The following STAT1 variants were observed in gnomAD, a reference collection of about 807,000 sequenced individuals.
STAT1 encodes the protein signal transducer and activator of transcription 1.
A neutral mutation model predicts 111.7 loss-of-function variants in STAT1; 24 were observed. That is an observed-to-expected ratio of 0.21 (90% confidence interval 0.16 to 0.30). The LOEUF is 0.30. STAT1 is among the 10% of genes least tolerant of loss of function. The pLI, the probability that STAT1 is intolerant of heterozygous loss-of-function variation, is 1.00. For missense variants in STAT1, 351 were observed against 911.9 expected, an observed-to-expected ratio of 0.38 and a Z score of 7.92; for synonymous variants, 332 against 326.5, an observed-to-expected ratio of 1.02 and a Z score of -0.18.
chr2:191,008,872 A>AGT (rs1209658136), intron 4 of STAT1, 91 bp downstream of exon 4: 1 of 1,375,600 alleles, frequency 7.3e-7, no homozygotes, highest in African/African-American at 1.4e-5. Context: ...AATACCAATA[A>AGT]GTGTGTGCTC....
rs1392692581 is a variant in STAT1, at chr2:191,012,209, T to TCAAG, written c.-2+1312_-2+1315dup. On this transcript the variant is annotated intron_variant, in intron 2 of 24. Transcript: ENST00000361099. This position sits in a 1 kb window ranked among gnomAD's most constrained non-coding sequence, Gnocchi z 4.0. The stretch of plus-strand genomic sequence containing the variant: ...GGGCGGATTGCCTGAGCTCCGGAGT[T>TCAAG]CAAGACCAGCCTGGGCAACATGGTG... 2.6e-5 allele frequency among the ~76,000 whole-genome samples: 4 copies of TCAAG among 151,652 alleles called. No individual in the cohort carries two copies. Among genetic ancestry groups the TCAAG allele is most frequent in the Non-Finnish European group, 5.9e-5 (4 of 67,882 alleles).
rs1691793390 is a variant in STAT1, at chr2:190,974,986, T to C, written c.2136-54A>G. On this transcript the variant is annotated intron_variant, in intron 23 of 24. Transcript: ENST00000361099. This position sits in a 1 kb window ranked among gnomAD's most constrained non-coding sequence, Gnocchi z 4.8. ...GTCAACATCTGAGTGATGAAAGCAC[T>C]AGTGCATACTTACACACTTTATCTT... 2 of 1,258,716 alleles carry C rather than the reference T, an allele frequency of 1.6e-6. No individual in the cohort carries two copies. Among genetic ancestry groups the C allele is most frequent in the South Asian group, 2.4e-5 (2 of 82,172 alleles). The allele number at this position is 1,258,716 out of a possible 1,614,324, so 78.0% of individuals were successfully genotyped here. A position where few individuals can be genotyped will look rare whatever the true frequency, so the allele number is the denominator to read the frequency against.
Position 190,980,490 on chromosome 2 carries a change from G to A in STAT1, c.1632+130C>T, listed in dbSNP as rs1360855400. The A allele has an allele frequency of 9.3e-7, 1 of 1,078,866 alleles. No individual in the cohort carries two copies. The highest frequency in any genetic ancestry group is 1.4e-6 in the Non-Finnish European group (1 of 701,294). The allele number at this position is 1,078,866 out of a possible 1,614,324, so 66.8% of individuals were successfully genotyped here. ...GAAGAAAAGTAAACAACTTGCCCGAGGGGCTCCTTGGCCAGAGAAGAACAC... is the reference window on the plus strand; with the variant it reads ...GAAGAAAAGTAAACAACTTGCCCGAAGGGCTCCTTGGCCAGAGAAGAACAC... On this transcript the variant is annotated intron_variant, in intron 19 of 24. Coordinates refer to ENST00000361099, the MANE Select transcript of STAT1 (RefSeq NM_007315.4). The surrounding 1 kb of genome is among the most constrained non-coding windows in gnomAD (Gnocchi z 6.1).
At position 190,973,708 on chromosome 2, in the gene STAT1, G is replaced by C. The variant is rs530396974; in HGVS notation, c.2238+1122C>G. On this transcript the variant is annotated intron_variant, in intron 24 of 24. Coordinates refer to ENST00000361099, the MANE Select transcript of STAT1 (RefSeq NM_007315.4). This position sits in a 1 kb window ranked among gnomAD's most constrained non-coding sequence, Gnocchi z 4.4. ...AGGTTCATTTTACACTTGCCAATAG[G>C]AATGAAACTATTTCGCTGCCACAAT... is the stretch of plus-strand genomic sequence containing the variant. Among the ~76,000 whole-genome samples the C allele has an allele frequency of 6.6e-6, 1 of 152,270 alleles. No individual in the cohort carries two copies. The highest frequency in any genetic ancestry group is 1.9e-4 in the East Asian group (1 of 5,188).
Position 190,983,403 on chromosome 2 carries a change from A to C in STAT1, c.1446+239T>G, listed in dbSNP as rs944951933. On this transcript the variant is annotated intron_variant, in intron 17 of 24. Transcript: ENST00000361099. This position sits in a 1 kb window ranked among gnomAD's most constrained non-coding sequence, Gnocchi z 5.7. ...TACATTTTAAAAATAATAACAATAA[A>C]GTGGTATGGAATCACTGACTGCCCT... Among the ~76,000 whole-genome samples the C allele has an allele frequency of 6.6e-6, 1 of 152,240 alleles. No homozygotes were observed. Among genetic ancestry groups the C allele is most frequent in the South Asian group, 2.1e-4 (1 of 4,826 alleles).
chr2:190,984,401 G>C lies in STAT1; in HGVS notation c.1264-8C>G. On this transcript the variant is annotated splice_region_variant and splice_polypyrimidine_tract_variant and intron_variant, in intron 15 of 24. Transcript: ENST00000361099. The surrounding 1 kb of genome is among the most constrained non-coding windows in gnomAD (Gnocchi z 5.2). ...AGTAACGATGAGAGGACCCTTGGAA[G>C]AGAAAAGGAAAGAAGAAAAGAATAT... The C allele has an allele frequency of 6.2e-7, 1 of 1,609,528 alleles. No individual in the cohort carries two copies. Among genetic ancestry groups the C allele is most frequent in the South Asian group, 1.1e-5 (1 of 90,964 alleles).
rs968665498 is a variant in STAT1 at position 190,985,608 on chromosome 2, G to A, written c.1263+11C>T. ...GATTTGGGCCCATTCACAACATAAAGGGACTCTCACCTCATTCGTTCTGGT... is the reference window on the plus strand; with the variant it reads ...GATTTGGGCCCATTCACAACATAAAAGGACTCTCACCTCATTCGTTCTGGT... On this transcript the variant is annotated intron_variant, in intron 15 of 24. Coordinates refer to ENST00000361099, the MANE Select transcript of STAT1 (RefSeq NM_007315.4). 6 of 1,614,098 alleles carry A rather than the reference G, an allele frequency of 3.7e-6. No homozygotes were observed. The Admixed American group carries it at 6.7e-5, about 18-fold the overall frequency.
In STAT1 at chr2:191,013,656, T is replaced by G; in HGVS notation, c.-133A>C. The G allele has an allele frequency of 2.5e-6, 1 of 398,608 alleles. No homozygotes were observed. Among genetic ancestry groups the G allele is most frequent in the Non-Finnish European group, 4.4e-6 (1 of 226,088 alleles). 24.7% of individuals were successfully genotyped at this position (398,608 alleles called of 1,614,324 possible). On this transcript the variant is annotated 5_prime_UTR_variant, in exon 2 of 25. Transcript: ENST00000361099. ...CGTTAACCTAGACAGCTCTCGAGGATGGCATACAGCAAATGAAACTTTCTG... is the reference window on the plus strand; with the variant it reads ...CGTTAACCTAGACAGCTCTCGAGGAGGGCATACAGCAAATGAAACTTTCTG...
intron 3 of STAT1, 45 bp from the exon 4 acceptor site, chr2:191,009,152 C>T: frequency 1.3e-6 from 2 of 1,596,938 alleles, no homozygotes; most frequent in Non-Finnish European, 1.7e-6. Context: ...AACTAAATGT[C>T]TATGTAAAAC....
chr2:191,008,978 G>A lies in STAT1; in HGVS notation c.258C>T (p.Ser86=). 6 of 1,613,884 alleles carry A rather than the reference G, an allele frequency of 3.7e-6. No homozygotes were observed. The highest frequency in any genetic ancestry group is 5.1e-6 in the Non-Finnish European group (6 of 1,179,882). The part of the protein sequence containing the change: ...NFLLQHNIRK[S]KRNLQDNFQE... ...CAGGTCATACCTGAAGATTACGCTT[G>A]CTTTTCCTTATGTTATGCTGTAGCA... The change falls in exon 4 of 25, where the codon AGC becomes AGT. Residue 86 remains serine, a synonymous_variant. Transcript: ENST00000361099.
rs954300125 is a variant in STAT1 at position 190,979,721 on chromosome 2, C to T, written c.1727+51G>A. 1.0e-5 allele frequency: 15 copies of T among 1,452,962 alleles called. No individual in the cohort carries two copies. The African/African-American group carries it at 1.8e-4, about 18-fold the overall frequency. The allele number at this position is 1,452,962 out of a possible 1,614,324, so 90.0% of individuals were successfully genotyped here. A position where few individuals can be genotyped will look rare whatever the true frequency, so the allele number is the denominator to read the frequency against. On this transcript the variant is annotated intron_variant, in intron 20 of 24. Coordinates refer to ENST00000361099, the MANE Select transcript of STAT1 (RefSeq NM_007315.4). The surrounding 1 kb of genome is among the most constrained non-coding windows in gnomAD (Gnocchi z 5.8). ...AAGCTGGACTCAGGCCTTGTCTCAA[C>T]CTCGCAGCACTAAAAATATGTTTCA...
Position 190,991,516 on chromosome 2 carries a change from C to T in STAT1, c.945-196G>A, listed in dbSNP as rs41429349. ...ATCCCAAAACCTAATAGGGACTTAA[C>T]AGAAACAGAATAACTGTAATGATCT... On this transcript the variant is annotated intron_variant, in intron 10 of 24. Transcript: ENST00000361099. 6.2e-3 allele frequency among the ~76,000 whole-genome samples: 942 copies of T among 152,182 alleles called. 10 individuals are homozygous for T. Among genetic ancestry groups the T allele is most frequent in the African/African-American group, 0.021 (856 of 41,512 alleles).
chr2:190,975,984 T>C lies in STAT1; in HGVS notation c.2060-97A>G. 1.8e-6 allele frequency: 2 copies of C among 1,084,020 alleles called. No homozygotes were observed. The highest frequency in any genetic ancestry group is 2.8e-6 in the Non-Finnish European group (2 of 716,968). 67.2% of individuals were successfully genotyped at this position (1,084,020 alleles called of 1,614,324 possible). On this transcript the variant is annotated intron_variant, in intron 22 of 24. Coordinates refer to ENST00000361099, the MANE Select transcript of STAT1 (RefSeq NM_007315.4). The surrounding 1 kb of genome is among the most constrained non-coding windows in gnomAD (Gnocchi z 5.9). ...GGGGATTAAAGTTCTACTGTGTTTC[T>C]AGACAGCTTAGCCTCCTAAAACTTT...
Position 190,969,184 on chromosome 2 carries a change from T to A in STAT1, c.*1519A>T. ...TATTGTTTTAATGTTGTCTTCTTTG[T>A]TTTTTAGTCATTTCAATTGTAAAAT... On this transcript the variant is annotated 3_prime_UTR_variant, in exon 25 of 25. Transcript: ENST00000361099. 1 of 152,128 alleles carries A rather than the reference T, an allele frequency of 6.6e-6. No homozygotes were observed. Among genetic ancestry groups the A allele is most frequent in the South Asian group, 2.1e-4 (1 of 4,832 alleles). 9.4% of individuals were successfully genotyped at this position (152,128 alleles called of 1,614,324 possible). A position where few individuals can be genotyped will look rare whatever the true frequency, so the allele number is the denominator to read the frequency against.
intron 10 of STAT1, among the ~76,000 whole-genome samples, chr2:190,991,538 A>T (rs1693337033): frequency 6.6e-6 from 1 of 152,186 alleles, no homozygotes; most frequent in Admixed American, 6.5e-5. Flanking sequence ...AACTGTAATG[A>T]TCTGTGAAAC....
Position 190,993,546 on chromosome 2 carries a change from A to T in STAT1, c.944+1515T>A. The stretch of plus-strand genomic sequence containing the variant: ...CAGAAGTAATTTGAATAAATAATCA[A>T]TTTGGGATTCATGCTGGACATGTCA... On this transcript the variant is annotated intron_variant, in intron 10 of 24. Coordinates refer to ENST00000361099, the MANE Select transcript of STAT1 (RefSeq NM_007315.4). The surrounding 1 kb of genome is among the most constrained non-coding windows in gnomAD (Gnocchi z 4.1). The T allele has an allele frequency of 3.0e-6, 2 of 662,770 alleles. No individual in the cohort carries two copies. The highest frequency in any genetic ancestry group is 5.6e-6 in the Non-Finnish European group (2 of 357,332). The allele number at this position is 662,770 out of a possible 1,614,324, so 41.1% of individuals were successfully genotyped here.
Position 190,996,405 on chromosome 2 carries a change from G to A in STAT1, c.786-1186C>T, listed in dbSNP as rs1448186130. 6.6e-6 allele frequency among the ~76,000 whole-genome samples: 1 copy of A among 152,228 alleles called. No individual in the cohort carries two copies. Reference sequence around the variant, plus strand: ...TCAGGAAAGGAGAAGGCAGGATAACGGCTGGCTGAGTTCCAGCGGAGAAGC... The same window carrying A: ...TCAGGAAAGGAGAAGGCAGGATAACAGCTGGCTGAGTTCCAGCGGAGAAGC... On this transcript the variant is annotated intron_variant, in intron 9 of 24. Coordinates refer to ENST00000361099, the MANE Select transcript of STAT1 (RefSeq NM_007315.4). The surrounding 1 kb of genome is among the most constrained non-coding windows in gnomAD (Gnocchi z 4.5).
At chr2:191,010,097 T>C (rs1307135968) in intron 2 of STAT1, 93 bp from the exon 3 acceptor site, 2 of 1,393,774 alleles carry the variant, frequency 1.4e-6, no homozygotes, top group Admixed American at 1.9e-5. Flanking sequence ...CTCTTAAATA[T>C]CTTGCTTAAT....
intron 3 of STAT1, 86 bp from the exon 4 acceptor site, chr2:191,009,193 A>T: frequency 7.0e-7 from 1 of 1,434,600 alleles, no homozygotes; most frequent in African/African-American, 1.4e-5. Context: ...TCCTTATTGA[A>T]ATTATTAAAA....
Sources: allele counts gnomAD v4.1 joint callset (sites outside exome capture counted in the v4.1 genomes callset), GRCh38; gene constraint gnomAD v4.1.1; non-coding constraint Gnocchi (gnomAD v3.1); transcripts MANE v1.5; gene names NCBI Gene and HGNC (gene_info 2026-07-23, HGNC 2026-07-21).